Variants in KIAA1328 observed in about 807,000 individuals in gnomAD.
KIAA1328 encodes protein hinderin.
A neutral mutation model predicts 68.1 loss-of-function variants in KIAA1328; 52 were observed. That is an observed-to-expected ratio of 0.76 (90% CI 0.61 to 0.96). The LOEUF (loss-of-function observed/expected upper bound fraction) is 0.96. Ranked by LOEUF, KIAA1328 falls within the 40% of genes least tolerant of loss-of-function variation. The pLI, the probability that KIAA1328 is intolerant of heterozygous loss-of-function variation, is 0.00. For synonymous variants in KIAA1328, 232 were observed against 239.4 expected, an observed-to-expected ratio of 0.97 and a Z score of 0.28; for missense variants, 641 against 677.6, an observed-to-expected ratio of 0.95 and a Z score of 0.60.
chr18:37,178,077 C>T (rs553859150), intron 9 of KIAA1328, among the ~76,000 whole-genome samples: 1 of 152,082 alleles, frequency 6.6e-6, no homozygotes, highest in African/African-American at 2.4e-5. Flanking sequence ...ACTGCAATTA[C>T]TTTTGCACCA....
chr18:36,952,931 G>C (rs888297232), intron 5 of KIAA1328, among the ~76,000 whole-genome samples: 1 of 150,922 alleles, frequency 6.6e-6, no homozygotes, highest in Non-Finnish European at 1.5e-5. Context: ...GTAGAGGTAG[G>C]AAGACAAGAA....
At chr18:37,196,722 A>C (rs922576525) in intron 9 of KIAA1328, among the ~76,000 whole-genome samples, 10 of 152,030 alleles carry the variant, frequency 6.6e-5, no homozygotes, top group Admixed American at 4.6e-4. Context: ...TATCAGGGAT[A>C]TTGGCCTGTA....
intron 1 of KIAA1328, among the ~76,000 whole-genome samples, chr18:36,829,793 G>A (rs1398532958): frequency 2.0e-5 from 3 of 152,178 alleles, no homozygotes; most frequent in Non-Finnish European, 4.4e-5. Context: ...GTGCCTGGAA[G>A]TATTGTTGAC....
chr18:37,011,019 A>G (rs1401095000), intron 6 of KIAA1328, among the ~76,000 whole-genome samples: 3 of 152,188 alleles, frequency 2.0e-5, no homozygotes, highest in Admixed American at 1.3e-4. Context: ...ACAAGTAGCC[A>G]TTTGTGAGAT....
At chr18:36,928,129 A>G (rs535695861) in intron 5 of KIAA1328, among the ~76,000 whole-genome samples, 2 of 152,006 alleles carry the variant, frequency 1.3e-5, no homozygotes, top group Non-Finnish European at 2.9e-5. Context: ...TATTTTTTTT[A>G]TATCAGTGTT....
chr18:36,996,116 G>A (rs191823342), intron 6 of KIAA1328, among the ~76,000 whole-genome samples: 360 of 152,238 alleles, frequency 2.4e-3, no homozygotes, highest in Non-Finnish European at 4.6e-3. Flanking sequence ...AGGTTACACA[G>A]GTATTATTAG....
chr18:37,050,497 T>G (rs953588795), intron 6 of KIAA1328, among the ~76,000 whole-genome samples: 1 of 152,198 alleles, frequency 6.6e-6, no homozygotes, highest in Non-Finnish European at 1.5e-5. Context: ...TCATATACAT[T>G]TAGAAAACCA....
intron 6 of KIAA1328, among the ~76,000 whole-genome samples, chr18:37,019,424 G>A (rs904365374): frequency 1.3e-5 from 2 of 152,212 alleles, no homozygotes; most frequent in Non-Finnish European, 2.9e-5. Context: ...ACAGTGGTGT[G>A]AGCTCCCTGA....
chr18:36,884,312 G>A (rs764966492), intron 4 of KIAA1328, among the ~76,000 whole-genome samples: 9 of 151,978 alleles, frequency 5.9e-5, no homozygotes, highest in Admixed American at 2.0e-4. Flanking sequence ...TTTGAAAGAA[G>A]GGCCTGGGTC....
At chr18:36,993,253 A>G (rs891880282) in intron 6 of KIAA1328, among the ~76,000 whole-genome samples, 10 of 152,252 alleles carry the variant, frequency 6.6e-5, no homozygotes. Flanking sequence ...CTACACTTAG[A>G]ACATTCTTTC....
In KIAA1328 at chr18:37,171,473, G is replaced by A. The variant is rs555216611; in HGVS notation, c.1415-1500G>A. Among the ~76,000 whole-genome samples, 159 of 152,234 alleles carry A rather than the reference G, an allele frequency of 1.0e-3. 2 individuals are homozygous for A. The highest frequency in any genetic ancestry group is 3.7e-3 in the African/African-American group (155 of 41,546). On this transcript the variant is annotated intron_variant, in intron 8 of 9. Coordinates refer to ENST00000280020, the MANE Select transcript of KIAA1328 (RefSeq NM_020776.3). ...GATCCTCCTGCCTTGGCCTCCCAAC[G>A]TGCTCAGATTACAGGTGTGAGCCAC...
At chr18:37,003,466 C>A (rs1367558525) in intron 6 of KIAA1328, among the ~76,000 whole-genome samples, 1 of 152,074 alleles carries the variant, frequency 6.6e-6, no homozygotes. Context: ...CCAGGATGTT[C>A]AAGGAATGCA....
chr18:37,047,370 C>T (rs995655274), intron 6 of KIAA1328, among the ~76,000 whole-genome samples: 1 of 152,040 alleles, frequency 6.6e-6, no homozygotes. Flanking sequence ...GCTCATTGGC[C>T]ATCTACTATA....
intron 7 of KIAA1328, among the ~76,000 whole-genome samples, chr18:37,138,806 G>T (rs1490944196): frequency 6.6e-6 from 1 of 151,962 alleles, no homozygotes; most frequent in Admixed American, 6.6e-5. Flanking sequence ...GTACCTCCAT[G>T]CCTGAATACA....
At chr18:36,933,273 G>T (rs1305918856) in intron 5 of KIAA1328, among the ~76,000 whole-genome samples, 2 of 152,044 alleles carry the variant, frequency 1.3e-5, no homozygotes, top group Non-Finnish European at 2.9e-5. Flanking sequence ...ATTTCCATGT[G>T]TTTGCAGCCC....
chr18:37,015,077 A>G (rs58110904), intron 6 of KIAA1328, among the ~76,000 whole-genome samples: 1 of 151,786 alleles, frequency 6.6e-6, no homozygotes, highest in Admixed American at 6.6e-5. Context: ...TAATTTTAGT[A>G]TTTTTAGTAG....
At chr18:36,978,605 G>T (rs1198478220) in intron 6 of KIAA1328, among the ~76,000 whole-genome samples, 1 of 152,102 alleles carries the variant, frequency 6.6e-6, no homozygotes, top group Non-Finnish European at 1.5e-5. Flanking sequence ...TCTCTTTACT[G>T]TCTTCTTTTG....
intron 5 of KIAA1328, chr18:36,946,420 ATG>A (rs1433720583): frequency 6.6e-6 from 1 of 152,190 alleles, no homozygotes; most frequent in African/African-American, 2.4e-5. Flanking sequence ...TACCGTAAGT[ATG>A]TTCCCTGGAC....
chr18:37,007,601 C>T (rs759147161), intron 6 of KIAA1328, among the ~76,000 whole-genome samples: 12 of 151,908 alleles, frequency 7.9e-5, no homozygotes, highest in African/African-American at 1.5e-4. Flanking sequence ...CTTAGAAATT[C>T]GATGATAATA....
Sources: gnomAD v4.1 joint callset for allele counts (sites outside exome capture counted in the v4.1 genomes callset) on GRCh38, gnomAD v4.1.1 for gene constraint, MANE v1.5 for transcripts, NCBI Gene and HGNC (gene_info 2026-07-23, HGNC 2026-07-21) for gene names.